NKD1: variants seen among roughly 807,000 people sequenced by gnomAD.
NKD1 encodes the protein NKD inhibitor of Wnt signaling pathway 1.
Under a neutral mutation model 56.0 loss-of-function variants are expected in NKD1, and 21 were observed. That is an observed-to-expected ratio of 0.38 (90% confidence interval 0.27 to 0.54). The LOEUF (loss-of-function observed/expected upper bound fraction) is 0.54, where lower values mean the gene tolerates loss of function less well. Among genes scored for constraint, NKD1 ranks in the 20% least tolerant of loss-of-function variants. The pLI, the probability that NKD1 is intolerant of heterozygous loss-of-function variation, is 0.82. For synonymous variants in NKD1, 263 were observed against 265.7 expected, an observed-to-expected ratio of 0.99 and a Z score of 0.10; for missense variants, 578 against 642.7, an observed-to-expected ratio of 0.90 and a Z score of 1.09.
intron 3 of NKD1, among the ~76,000 whole-genome samples, chr16:50,590,882 A>G (rs2151271856): frequency 6.6e-6 from 1 of 152,266 alleles, no homozygotes; most frequent in South Asian, 2.1e-4. Flanking sequence ...CAGTGGCACA[A>G]TCTCGGCTCA....
chr16:50,572,298 C>T (rs1960901922), intron 3 of NKD1, among the ~76,000 whole-genome samples: 1 of 152,114 alleles, frequency 6.6e-6, no homozygotes, highest in Admixed American at 6.6e-5. Context: ...TATTGTCACC[C>T]CTCTGGTGGC....
chr16:50,624,200 G>A (rs986924219), intron 5 of NKD1, among the ~76,000 whole-genome samples: 2 of 152,074 alleles, frequency 1.3e-5, no homozygotes, highest in African/African-American at 4.8e-5. Context: ...GAATGGTCTT[G>A]TTTCCATAGA....
chr16:50,581,960 G>T (rs1259380167), intron 3 of NKD1, among the ~76,000 whole-genome samples: 1 of 152,318 alleles, frequency 6.6e-6, no homozygotes, highest in East Asian at 1.9e-4. Flanking sequence ...TGCAAGGATT[G>T]GTTGTTTGGG....
chr16:50,607,063 G>A (rs1178286915), intron 3 of NKD1: 2 of 456,868 alleles, frequency 4.4e-6, no homozygotes, highest in South Asian at 3.1e-5. Context: ...CTGACTCGAG[G>A]AATAAAGTAG....
At position 50,630,753 on chromosome 16, in the gene NKD1, G is replaced by A. The variant is rs374066660; in HGVS notation, c.611-73G>A. 111 of 1,352,264 alleles carry A rather than the reference G, an allele frequency of 8.2e-5. No homozygotes were observed. The East Asian group carries it at 1.8e-3, about 22-fold the overall frequency. 83.8% of individuals were successfully genotyped at this position (1,352,264 alleles called of 1,614,324 possible). A position where few individuals can be genotyped will look rare whatever the true frequency, so the allele number is the denominator to read the frequency against. ...CAGTGGCCTTGCAAAGCAGCTGCAC[G>A]CCAGGCAGCCCTGGGGAGGGTGGGA... is the stretch of plus-strand genomic sequence containing the variant. On this transcript the variant is annotated intron_variant, in intron 7 of 9. Transcript: ENST00000268459.
At chr16:50,630,943 G>A (rs1210675592) in intron 8 of NKD1, 33 bp downstream of exon 8, 2 of 1,521,700 alleles carry the variant, frequency 1.3e-6, no homozygotes, top group Non-Finnish European at 8.9e-7. Flanking sequence ...AGCATATGTT[G>A]AGCACCAGCT....
At chr16:50,610,520 G>T (rs1488169265) in intron 4 of NKD1, among the ~76,000 whole-genome samples, 2 of 152,246 alleles carry the variant, frequency 1.3e-5, no homozygotes. Flanking sequence ...AAAACCAGCT[G>T]CCTGCTCTGG....
Position 50,645,726 on chromosome 16 carries a change from C to CTT in NKD1, c.*11945_*11946insTT, listed in dbSNP as rs1567361307. On this transcript the variant is annotated 3_prime_UTR_variant, in exon 10 of 10. Transcript: ENST00000268459. ...TTTATGACGTTCTTACCCATGAAAG[C>CTT]GCTCAAGGATCCGCTTGCTTGCTTA... is the stretch of plus-strand genomic sequence containing the variant. The CTT allele has an allele frequency of 3.4e-3, 513 of 152,288 alleles. 5 individuals are homozygous for CTT. The highest frequency in any genetic ancestry group is 0.012 in the African/African-American group (494 of 41,540). The allele number at this position is 152,288 out of a possible 1,614,324, so 9.4% of individuals were successfully genotyped here.
intron 3 of NKD1, among the ~76,000 whole-genome samples, chr16:50,602,854 T>C (rs1376605731): frequency 1.3e-5 from 2 of 152,226 alleles, no homozygotes; most frequent in Non-Finnish European, 2.9e-5. Flanking sequence ...TCTGCAGAGA[T>C]CCAGCCCACA....
intron 4 of NKD1, among the ~76,000 whole-genome samples, chr16:50,616,716 C>T (rs2151277648): frequency 6.6e-6 from 1 of 152,304 alleles, no homozygotes. Flanking sequence ...CCAGATAGGA[C>T]TGTACAGAAT....
At chr16:50,553,547 TG>T (rs2151261745) in intron 3 of NKD1, 1 of 152,358 alleles carries the variant, frequency 6.6e-6, no homozygotes, top group East Asian at 1.9e-4. Flanking sequence ...GATTGGAGGC[TG>T]GCCCAGCTGT....
At chr16:50,629,354 A>T (rs1442262241) in intron 6 of NKD1, among the ~76,000 whole-genome samples, 1 of 152,062 alleles carries the variant, frequency 6.6e-6, no homozygotes, top group Non-Finnish European at 1.5e-5. Context: ...ATACAATCAC[A>T]TTGGGGGTTA....
intron 3 of NKD1, among the ~76,000 whole-genome samples, chr16:50,594,255 G>A (rs1207480696): frequency 6.6e-6 from 1 of 152,246 alleles, no homozygotes; most frequent in Non-Finnish European, 1.5e-5. Flanking sequence ...CTCTCACGTA[G>A]CTGGATTGGC....
rs566340499 is a variant in NKD1 at position 50,564,189 on chromosome 16, A to C, written c.192+14634A>C. On this transcript the variant is annotated intron_variant, in intron 3 of 9. Transcript: ENST00000268459. ...GCCCTGGCTGGCCGCAGCCATGGCC[A>C]TGGTGGGGAATGATCATGGTCTTCC... Among the ~76,000 whole-genome samples the C allele has an allele frequency of 4.6e-5, 7 of 152,376 alleles. No homozygotes were observed. The East Asian group carries it at 7.7e-4, about 17-fold the overall frequency.
In NKD1 at chr16:50,647,803, T is replaced by C. The variant is rs1962708388; in HGVS notation, c.*14022T>C. 2 of 152,258 alleles carry C rather than the reference T, an allele frequency of 1.3e-5. No homozygotes were observed. The highest frequency in any genetic ancestry group is 4.8e-5 in the African/African-American group (2 of 41,474). The allele number at this position is 152,258 out of a possible 1,614,324, so 9.4% of individuals were successfully genotyped here. A position where few individuals can be genotyped will look rare whatever the true frequency, so the allele number is the denominator to read the frequency against. On this transcript the variant is annotated 3_prime_UTR_variant, in exon 10 of 10. Transcript: ENST00000268459. Reference sequence around the variant, plus strand: ...GGCAGTGTCTGTTACTTGGGGTTCCTGTTGCTTAGAGTTGAAAGCATCATA... The same window carrying C: ...GGCAGTGTCTGTTACTTGGGGTTCCCGTTGCTTAGAGTTGAAAGCATCATA...
rs1962520370 is a variant in NKD1 at position 50,638,702 on chromosome 16, A to G, written c.*4921A>G. ...GCTCAGGGGCTCATACCCCCAAATG[A>G]TTTTCCTGATTTATGTATTTCCCTA... On this transcript the variant is annotated 3_prime_UTR_variant, in exon 10 of 10. Coordinates refer to ENST00000268459, the MANE Select transcript of NKD1 (RefSeq NM_033119.5). The G allele has an allele frequency of 1.3e-5, 2 of 152,024 alleles. No individual in the cohort carries two copies. The highest frequency in any genetic ancestry group is 2.9e-5 in the Non-Finnish European group (2 of 68,008). The allele number at this position is 152,024 out of a possible 1,614,324, so 9.4% of individuals were successfully genotyped here.
chr16:50,633,537 T>A lies in NKD1; in HGVS notation c.1169T>A (p.Leu390His). 6.2e-7 allele frequency: 1 copy of A among 1,609,106 alleles called. No homozygotes were observed. The highest frequency in any genetic ancestry group is 8.5e-7 in the Non-Finnish European group (1 of 1,178,306). The stretch of plus-strand genomic sequence containing the variant: ...GCCCACCTGGCTGCCAGCCCGGCCC[T>A]CCTCCCCTCCCTAGCCCCCCTCGGG... Reference protein sequence around the residue: ...PSAHLAASPALLPSLAPLGHK... With the variant: ...PSAHLAASPAHLPSLAPLGHK... The change falls in exon 10 of 10, where the codon CTC (leucine) becomes CAC (histidine). Residue 390 changes from leucine (L) to histidine (H), a missense_variant. By Grantham distance (99) the Leu-to-His change is moderately conservative. Coordinates refer to ENST00000268459, the MANE Select transcript of NKD1 (RefSeq NM_033119.5). The surrounding 1 kb of genome is among the most constrained non-coding windows in gnomAD (Gnocchi z 4.9).
intron 3 of NKD1, among the ~76,000 whole-genome samples, chr16:50,603,443 C>G (rs1378352947): frequency 6.6e-6 from 1 of 152,186 alleles, no homozygotes; most frequent in Non-Finnish European, 1.5e-5. Context: ...GTAGGCTGCT[C>G]GGATCTAAGG....
intron 3 of NKD1, among the ~76,000 whole-genome samples, chr16:50,569,155 G>A (rs1490489626): frequency 2.6e-5 from 4 of 152,202 alleles, no homozygotes; most frequent in Non-Finnish European, 4.4e-5. Context: ...GTCAGATTCC[G>A]CTGACATTAT....
Sources: allele counts gnomAD v4.1 joint callset (sites outside exome capture counted in the v4.1 genomes callset), GRCh38; gene constraint gnomAD v4.1.1; non-coding constraint Gnocchi (gnomAD v3.1); transcripts MANE v1.5; gene names NCBI Gene and HGNC (gene_info 2026-07-23, HGNC 2026-07-21).